The following RFTN1 variants were observed in gnomAD, a reference collection of about 807,000 sequenced individuals.
RFTN1 encodes the protein raftlin, lipid raft linker 1, also known as raftlin.
RFTN1 carries 26 observed loss-of-function variants against 46.5 expected under a neutral mutation model. The ratio of observed to expected loss-of-function variants is 0.56; its 90% CI spans 0.41 to 0.78. The LOEUF (loss-of-function observed/expected upper bound fraction) is 0.78. RFTN1 is among the 30% of genes least tolerant of loss of function. The pLI is 0.00. For synonymous variants in RFTN1, 261 were observed against 284.2 expected (o/e 0.92, Z 0.82); for missense variants, 693 against 718.7 (o/e 0.96, Z 0.41).
chr3:16,440,517 G>C lies in RFTN1; in HGVS notation c.146-6480C>G, dbSNP rs1304772996. ...CTGGCTTCTCCCCTACCTGGGCAGGGGCAGAGTCTCATCTCCTTACTGGAC... is the reference window on the plus strand; with the variant it reads ...CTGGCTTCTCCCCTACCTGGGCAGGCGCAGAGTCTCATCTCCTTACTGGAC... On this transcript the variant is annotated intron_variant, in intron 2 of 9. Coordinates refer to ENST00000334133, the MANE Select transcript of RFTN1 (RefSeq NM_015150.2). The surrounding 1 kb of genome is among the most constrained non-coding windows in gnomAD (Gnocchi z 4.6). Among the ~76,000 whole-genome samples the C allele has an allele frequency of 6.6e-6, 1 of 152,142 alleles. No homozygotes were observed. Among genetic ancestry groups the C allele is most frequent in the African/African-American group, 2.4e-5 (1 of 41,410 alleles).
chr3:16,445,243 A>G (rs1452635626), intron 2 of RFTN1, among the ~76,000 whole-genome samples: 1 of 152,180 alleles, frequency 6.6e-6, no homozygotes, highest in Non-Finnish European at 1.5e-5. Context: ...TTCAACTAAG[A>G]GTATGATTGC....
chr3:16,362,477 G>A (rs2072897298), intron 6 of RFTN1, among the ~76,000 whole-genome samples: 1 of 152,092 alleles, frequency 6.6e-6, no homozygotes, highest in South Asian at 2.1e-4. Flanking sequence ...TACTTTTTAA[G>A]TCCTGGGTAA....
rs1357305051 is a variant in RFTN1 at position 16,404,333 on chromosome 3, A to G, written c.441+5042T>C. On this transcript the variant is annotated intron_variant, in intron 4 of 9. Transcript: ENST00000334133. Reference sequence around the variant, plus strand: ...ATATATTATATATAATATATAATATATAATATATATAATATATAATATATA... The same window carrying G: ...ATATATTATATATAATATATAATATGTAATATATATAATATATAATATATA... 8.9e-4 allele frequency among the ~76,000 whole-genome samples: 51 copies of G among 57,332 alleles called. 10 individuals carry two copies. The East Asian group carries it at 0.014, about 16-fold the overall frequency. The allele number at this position is 57,332 out of a possible 152,430, so 37.6% of individuals were successfully genotyped here.
chr3:16,462,660 C>A (rs552927824), intron 2 of RFTN1, among the ~76,000 whole-genome samples: 1 of 152,354 alleles, frequency 6.6e-6, no homozygotes, highest in South Asian at 2.1e-4. Flanking sequence ...AGAAGGGGTA[C>A]GACTCTGTTG....
chr3:16,437,856 G>A (rs182358942), intron 2 of RFTN1, among the ~76,000 whole-genome samples: 23 of 142,520 alleles, frequency 1.6e-4, no homozygotes, highest in Middle Eastern at 3.6e-3. Context: ...GCTGGGTGTC[G>A]ACCTTATGGA....
At chr3:16,445,832 T>C (rs1166648038) in intron 2 of RFTN1, among the ~76,000 whole-genome samples, 1 of 152,200 alleles carries the variant, frequency 6.6e-6, no homozygotes, top group Non-Finnish European at 1.5e-5. Context: ...TATATTTCCA[T>C]TGGACAGCTC....
Position 16,459,211 on chromosome 3 carries a change from A to T in RFTN1, c.146-25174T>A, listed in dbSNP as rs1200639428. Among the ~76,000 whole-genome samples, 1 of 152,144 alleles carries T rather than the reference A, an allele frequency of 6.6e-6. No individual in the cohort carries two copies. Among genetic ancestry groups the T allele is most frequent in the African/African-American group, 2.4e-5 (1 of 41,424 alleles). On this transcript the variant is annotated intron_variant, in intron 2 of 9. Transcript: ENST00000334133. This position sits in a 1 kb window ranked among gnomAD's most constrained non-coding sequence, Gnocchi z 4.2. ...CTCCCAAAGTGCTGGAATTACAGGT[A>T]TGAGCCACTGTGCCTGGCCACTACT...
intron 4 of RFTN1, among the ~76,000 whole-genome samples, chr3:16,390,207 A>G (rs2074313422): frequency 6.6e-6 from 1 of 152,260 alleles, no homozygotes; most frequent in Non-Finnish European, 1.5e-5. Context: ...AGCAATAGAC[A>G]TCTTTTAAAA....
intron 4 of RFTN1, among the ~76,000 whole-genome samples, chr3:16,388,217 C>A (rs1259123809): frequency 6.6e-6 from 1 of 152,158 alleles, no homozygotes; most frequent in African/African-American, 2.4e-5. Context: ...GCATGCTGTT[C>A]CCCCCTCCAT....
intron 7 of RFTN1, 119 bp from the exon 8 acceptor site, chr3:16,326,995 A>G (rs894230987): frequency 7.4e-6 from 5 of 679,200 alleles, no homozygotes; most frequent in Middle Eastern, 4.1e-4. Context: ...GTGCCCGGCC[A>G]CTCAGAGGCT....
chr3:16,473,680 T>C lies in RFTN1; in HGVS notation c.145+20045A>G, dbSNP rs1286503184. ...CCTTGGCCTCCCAAAGTGCTAAGAT[T>C]ACAGTTGTGAGCCACTGCACCTGGC... On this transcript the variant is annotated intron_variant, in intron 2 of 9. Coordinates refer to ENST00000334133, the MANE Select transcript of RFTN1 (RefSeq NM_015150.2). The surrounding 1 kb of genome is among the most constrained non-coding windows in gnomAD (Gnocchi z 5.3). Among the ~76,000 whole-genome samples the C allele has an allele frequency of 1.3e-5, 2 of 152,196 alleles. No individual in the cohort carries two copies. The highest frequency in any genetic ancestry group is 2.9e-5 in the Non-Finnish European group (2 of 68,026).
chr3:16,435,087 C>A (rs577476361), intron 2 of RFTN1, among the ~76,000 whole-genome samples: 1 of 152,192 alleles, frequency 6.6e-6, no homozygotes, highest in East Asian at 1.9e-4. Context: ...TACATCCTAG[C>A]CCTATCCTCT....
intron 2 of RFTN1, among the ~76,000 whole-genome samples, chr3:16,478,492 C>T (rs2076318025): frequency 6.6e-6 from 1 of 152,210 alleles, no homozygotes; most frequent in African/African-American, 2.4e-5. Flanking sequence ...AGAAGCAAGA[C>T]TTTTTAACAT....
At chr3:16,378,488 G>A (rs778615931) in intron 4 of RFTN1, among the ~76,000 whole-genome samples, 21 of 151,846 alleles carry the variant, frequency 1.4e-4, no homozygotes, top group African/African-American at 4.8e-4. Flanking sequence ...ACTTTTTTTC[G>A]GACGAATCAC....
chr3:16,434,098 C>G (rs2075449585), intron 2 of RFTN1, 61 bp from the exon 3 acceptor site: 2 of 1,409,580 alleles, frequency 1.4e-6, no homozygotes, highest in African/African-American at 1.4e-5. Context: ...CAGCCCTGCC[C>G]AAACCCCTCT....
intron 2 of RFTN1, among the ~76,000 whole-genome samples, chr3:16,438,382 C>T (rs1291621892): frequency 4.6e-5 from 7 of 151,776 alleles, no homozygotes; most frequent in Admixed American, 6.6e-5. Context: ...AGCAGGAGTT[C>T]GAGACCAGCC....
intron 2 of RFTN1, among the ~76,000 whole-genome samples, chr3:16,462,994 C>T (rs1441893439): frequency 1.3e-5 from 2 of 152,158 alleles, no homozygotes; most frequent in Non-Finnish European, 2.9e-5. Flanking sequence ...CACAAGGGTT[C>T]GGGGAAGGAA....
At chr3:16,391,865 TTTTG>T (rs1226172138) in intron 4 of RFTN1, among the ~76,000 whole-genome samples, 21 of 21,232 alleles carry the variant, frequency 9.9e-4, no homozygotes, top group African/African-American at 2.8e-3. Context: ...AAGGTTTTTT[TTTTG>T]TTTTTTTTTT....
intron 2 of RFTN1, among the ~76,000 whole-genome samples, chr3:16,487,994 T>C (rs28403924): frequency 0.033 from 5,018 of 152,242 alleles, 301 homozygotes; most frequent in African/African-American, 0.11. Context: ...CCTGCTGCTT[T>C]CGCCTCTGCC....
Sources: allele counts gnomAD v4.1 joint callset (sites outside exome capture counted in the v4.1 genomes callset), GRCh38; gene constraint gnomAD v4.1.1; non-coding constraint Gnocchi (gnomAD v3.1); transcripts MANE v1.5; gene names NCBI Gene and HGNC (gene_info 2026-07-23, HGNC 2026-07-21).